The following LTBP2 variants were observed in gnomAD, a reference collection of about 807,000 sequenced individuals.
LTBP2 encodes latent transforming growth factor beta binding protein 2.
Under a neutral mutation model 210.6 loss-of-function variants are expected in LTBP2, and 103 were observed. The observed-to-expected ratio is 0.49, with a 90% CI of 0.42 to 0.58. LTBP2 has a LOEUF of 0.58. Among genes scored for constraint, LTBP2 ranks in the 20% least tolerant of loss-of-function variants. The pLI is 0.00. For synonymous variants in LTBP2, 1,007 were observed against 1,015.0 expected, an observed-to-expected ratio of 0.99 and a Z score of 0.15; for missense variants, 2,313 against 2,494.5, an observed-to-expected ratio of 0.93 and a Z score of 1.55.
Position 74,503,554 on chromosome 14 carries a change from C to A in LTBP2, c.4635G>T (p.Thr1545=). The A allele has an allele frequency of 6.2e-7, 1 of 1,613,826 alleles. No individual in the cohort carries two copies. Residue 1545 remains threonine, a synonymous_variant, in exon 32 of 36, where the codon ACG becomes ACT. Transcript: ENST00000261978. ...LACENGECVN[T]EGSFHCFCSP... ...TGCAGAAGCAGTGGAAGGAGCCCTC[C>A]GTGTTGACGCACTCGCCATTCTCAC... is the stretch of plus-strand genomic sequence containing the variant.
intron 1 of LTBP2, among the ~76,000 whole-genome samples, chr14:74,604,156 C>T (rs975948209): frequency 9.5e-6 from 1 of 104,998 alleles, no homozygotes; most frequent in Non-Finnish European, 1.7e-5. Context: ...CTCTACATTG[C>T]CTCTCACCAA....
chr14:74,547,445 C>T (rs904577917), intron 8 of LTBP2, among the ~76,000 whole-genome samples: 13 of 152,146 alleles, frequency 8.5e-5, no homozygotes, highest in African/African-American at 1.7e-4. Context: ...AGCAGTGAAG[C>T]GGGATTCTGA....
Position 74,588,346 on chromosome 14 carries a change from C to T in LTBP2, c.566-2228G>A, listed in dbSNP as rs551789507. Among the ~76,000 whole-genome samples the T allele has an allele frequency of 2.0e-3, 308 of 152,216 alleles. 3 individuals are homozygous for T. The highest frequency in any genetic ancestry group is 3.1e-3 in the Non-Finnish European group (210 of 68,006). On this transcript the variant is annotated intron_variant, in intron 2 of 35. Transcript: ENST00000261978. ...AAGTGATTCTCCTGCCTCAGCCTCC[C>T]GAGTAGCTGGGATTACAGGCGCCTG...
chr14:74,512,557 T>G (rs962335761), intron 18 of LTBP2, among the ~76,000 whole-genome samples: 1 of 151,942 alleles, frequency 6.6e-6, no homozygotes. Context: ...TGAAAGTGAG[T>G]CCTCTCTGAG....
At chr14:74,555,479 G>A (rs762239435) in intron 4 of LTBP2, 24 bp downstream of exon 4, 4 of 1,611,820 alleles carry the variant, frequency 2.5e-6, no homozygotes, top group South Asian at 2.2e-5. Context: ...TGCTCTTCTA[G>A]GACCCAAGAC....
intron 2 of LTBP2, among the ~76,000 whole-genome samples, chr14:74,601,549 G>A (rs2088447211): frequency 6.6e-6 from 1 of 152,150 alleles, no homozygotes; most frequent in Non-Finnish European, 1.5e-5. Context: ...GTTTGTTTTT[G>A]AGTTTTTGGC....
At position 74,503,253 on chromosome 14, in the gene LTBP2, G is replaced by A; in HGVS notation, c.4854C>T (p.Ser1618=). 1 of 1,614,022 alleles carries A rather than the reference G, an allele frequency of 6.2e-7. No homozygotes were observed. Among genetic ancestry groups the A allele is most frequent in the Non-Finnish European group, 8.5e-7 (1 of 1,180,040 alleles). ...TCGGGGGACACAGAGCACACTGCTGGCTCCAGGCCTCGCCGTCCTGGCAGC... is the reference window on the plus strand; with the variant it reads ...TCGGGGGACACAGAGCACACTGCTGACTCCAGGCCTCGCCGTCCTGGCAGC... ...ECCCQDGEAW[S]QQCALCPPRS... The change falls in exon 33 of 36, where the codon AGC becomes AGT. Residue 1618 remains serine (S), a synonymous_variant. Transcript: ENST00000261978.
intron 8 of LTBP2, among the ~76,000 whole-genome samples, chr14:74,541,074 C>T: frequency 6.7e-6 from 1 of 150,308 alleles, no homozygotes; most frequent in East Asian, 2.0e-4. Flanking sequence ...CAGGTGACAC[C>T]TGTCACCGTC....
intron 15 of LTBP2, 22 bp from the exon 16 acceptor site, chr14:74,522,940 A>T: frequency 6.2e-7 from 1 of 1,608,426 alleles, no homozygotes. Context: ...AGAGCAAAAC[A>T]GAGGTTATGG....
At chr14:74,513,337 C>A (rs558596201) in intron 18 of LTBP2, among the ~76,000 whole-genome samples, 10 of 152,222 alleles carry the variant, frequency 6.6e-5, no homozygotes, top group Admixed American at 6.5e-4. Flanking sequence ...ACTGTGAGTG[C>A]GTATGATACG....
intron 2 of LTBP2, among the ~76,000 whole-genome samples, chr14:74,602,339 G>A (rs1042154152): frequency 3.9e-5 from 6 of 152,250 alleles, no homozygotes; most frequent in Admixed American, 6.5e-5. Context: ...AGAGCTTAGC[G>A]CAGTGTGGGG....
At chr14:74,510,695 C>T (rs892121061) in intron 19 of LTBP2, among the ~76,000 whole-genome samples, 2 of 152,212 alleles carry the variant, frequency 1.3e-5, no homozygotes, top group South Asian at 2.1e-4. Context: ...GCCTGGGAAA[C>T]GTCTGCCCTC....
At chr14:74,521,772 C>T in intron 17 of LTBP2, 139 bp downstream of exon 17, 1 of 1,196,872 alleles carries the variant, frequency 8.4e-7, no homozygotes, top group Admixed American at 1.8e-5. Context: ...GGCTGGAGTT[C>T]TGGTCTCTCC....
chr14:74,596,276 A>G (rs967522731), intron 2 of LTBP2, among the ~76,000 whole-genome samples: 46 of 140,854 alleles, frequency 3.3e-4, no homozygotes, highest in Admixed American at 2.9e-4. Context: ...AATTAAAAAC[A>G]AAGAAGTGGA....
At chr14:74,590,592 AAAAAGAAAAAG>A (rs950187146) in intron 2 of LTBP2, among the ~76,000 whole-genome samples, 9 of 152,238 alleles carry the variant, frequency 5.9e-5, no homozygotes, top group Non-Finnish European at 8.8e-5. Context: ...TCTGCCTCAA[AAAAAGAAAAAG>A]AAAAGAAAAA....
chr14:74,553,013 G>A lies in LTBP2; in HGVS notation c.1071C>T (p.Pro357=), dbSNP rs2087681166. The A allele has an allele frequency of 3.7e-6, 6 of 1,614,190 alleles. No homozygotes were observed. Among genetic ancestry groups the A allele is most frequent in the Middle Eastern group, 1.6e-4 (1 of 6,062 alleles). ...GGGCACAGGTCTGCTTGCAGATGGT[G>A]GGAGTGAAGACGATCTTGATCTTCT... ...KIKKIKIVFT[P]TICKQTCARG... is the part of the protein sequence containing the mutation. Residue 357 remains proline (P), a synonymous_variant, in exon 5 of 36, where the codon CCC becomes CCT. Transcript: ENST00000261978.
At chr14:74,587,600 C>T (rs1011898569) in intron 2 of LTBP2, among the ~76,000 whole-genome samples, 1 of 151,778 alleles carries the variant, frequency 6.6e-6, no homozygotes, top group Admixed American at 6.6e-5. Flanking sequence ...CCGCCAGAGA[C>T]CCAGGAAGGC....
chr14:74,599,031 C>T (rs1457467854), intron 2 of LTBP2, among the ~76,000 whole-genome samples: 2 of 152,172 alleles, frequency 1.3e-5, no homozygotes, highest in Non-Finnish European at 2.9e-5. Flanking sequence ...TAAAAATGAA[C>T]AATATGAAGT....
chr14:74,556,499 A>AT (rs1437648828), intron 3 of LTBP2, among the ~76,000 whole-genome samples: 1 of 152,154 alleles, frequency 6.6e-6, no homozygotes, highest in East Asian at 1.9e-4. Flanking sequence ...ACATATTTAG[A>AT]TTTTTTAAAA....
Sources: allele counts gnomAD v4.1 joint callset (sites outside exome capture counted in the v4.1 genomes callset), GRCh38; gene constraint gnomAD v4.1.1; transcripts MANE v1.5; gene names NCBI Gene and HGNC (gene_info 2026-07-23, HGNC 2026-07-21).